The following LTBP2 variants were observed in gnomAD, a reference collection of about 807,000 sequenced individuals.
The protein encoded by LTBP2 is latent-transforming growth factor beta-binding protein 2.
LTBP2 carries 103 observed loss-of-function variants against 210.6 expected under a neutral mutation model. The observed-to-expected ratio is 0.49, with a 90% CI of 0.42 to 0.58. The LOEUF (loss-of-function observed/expected upper bound fraction) is 0.58, where lower values mean the gene tolerates loss of function less well. Ranked by LOEUF, LTBP2 falls within the 20% of genes least tolerant of loss-of-function variation. LTBP2 has a pLI of 0.00. For missense variants in LTBP2, 2,313 were observed against 2,494.5 expected (o/e 0.93, Z 1.55); for synonymous variants, 1,007 against 1,015.0 (o/e 0.99, Z 0.15).
At chr14:74,502,356 G>C (rs1003944184) in intron 34 of LTBP2, among the ~76,000 whole-genome samples, 2 of 152,212 alleles carry the variant, frequency 1.3e-5, no homozygotes, top group Non-Finnish European at 2.9e-5. Flanking sequence ...GGGAGAAAAA[G>C]ACTGCAGTGA....
chr14:74,542,914 G>A (rs985970289), intron 8 of LTBP2, among the ~76,000 whole-genome samples: 2 of 151,854 alleles, frequency 1.3e-5, no homozygotes, highest in Non-Finnish European at 2.9e-5. Flanking sequence ...TTACAGCCAC[G>A]CGCTGCCACA....
intron 4 of LTBP2, among the ~76,000 whole-genome samples, chr14:74,553,322 T>C (rs1358061942): frequency 6.6e-6 from 1 of 152,180 alleles, no homozygotes; most frequent in East Asian, 1.9e-4. Flanking sequence ...TCATTAGAAA[T>C]TGCCATTTTT....
At chr14:74,600,153 C>G (rs2088425231) in intron 2 of LTBP2, among the ~76,000 whole-genome samples, 1 of 152,164 alleles carries the variant, frequency 6.6e-6, no homozygotes, top group African/African-American at 2.4e-5. Flanking sequence ...GTGCCAACAC[C>G]CCACCGCCCG....
At chr14:74,563,905 A>G (rs968381186) in intron 3 of LTBP2, among the ~76,000 whole-genome samples, 1 of 146,638 alleles carries the variant, frequency 6.8e-6, no homozygotes, top group African/African-American at 2.5e-5. Context: ...AGTTATTTGC[A>G]TATTCATAAA....
intron 3 of LTBP2, among the ~76,000 whole-genome samples, chr14:74,561,016 T>TA (rs981775188): frequency 2.0e-5 from 3 of 152,072 alleles, no homozygotes; most frequent in African/African-American, 4.8e-5. Flanking sequence ...CTCTTGCTGC[T>TA]AAAAAAAATT....
chr14:74,502,882 G>A lies in LTBP2; in HGVS notation c.4941C>T (p.Ala1647=), dbSNP rs199805158. The A allele has an allele frequency of 2.2e-4, 357 of 1,613,430 alleles. 8 individuals carry two copies. In the South Asian group the frequency reaches 3.3e-3, roughly 15 times the overall value. ...NVARIEAERE[A]GVHFRPGYEY... ...CATAGCCTGGCCGGAAGTGGACCCCGGCCTCCCGCTCTGCCTCAATGCGAG... is the reference window on the plus strand; with the variant it reads ...CATAGCCTGGCCGGAAGTGGACCCCAGCCTCCCGCTCTGCCTCAATGCGAG... Residue 1647 remains alanine, a synonymous_variant, in exon 34 of 36, where the codon GCC becomes GCT. Transcript: ENST00000261978.
chr14:74,578,895 G>A (rs935850723), intron 3 of LTBP2, among the ~76,000 whole-genome samples: 4 of 152,146 alleles, frequency 2.6e-5, no homozygotes, highest in African/African-American at 9.7e-5. Flanking sequence ...TGCTCTTGTT[G>A]CCCAGGCTGG....
chr14:74,532,328 T>C (rs2087360929), intron 10 of LTBP2, 98 bp downstream of exon 10: 1 of 1,550,868 alleles, frequency 6.4e-7, no homozygotes, highest in Non-Finnish European at 8.8e-7. Flanking sequence ...CGTGATCAGG[T>C]CTGGGGAAAA....
intron 28 of LTBP2, among the ~76,000 whole-genome samples, chr14:74,505,729 A>G (rs927275115): frequency 1.3e-5 from 2 of 152,180 alleles, no homozygotes; most frequent in Admixed American, 6.5e-5. Context: ...TCTCTCATCC[A>G]GAAGGTTCCC....
rs2139752735 is a variant in LTBP2, at chr14:74,555,657, C to A, written c.867G>T (p.Gln289His). The A allele has an allele frequency of 2.5e-6, 4 of 1,573,138 alleles. No homozygotes were observed. The South Asian group carries it at 3.5e-5, about 14-fold the overall frequency. Residue 289 changes from glutamine (Q) to histidine (H), a missense_variant, in exon 4 of 36, where the codon CAG (glutamine) becomes CAT (histidine). Transcript: ENST00000261978. ...LSGLSQTHPS[Q>H]QHVGLSRTVR... ...CAGTGCGGGACAACCCCACGTGCTGCTGGGAAGGGTGGGTCTGGCTGAGGC... is the reference window on the plus strand; with the variant it reads ...CAGTGCGGGACAACCCCACGTGCTGATGGGAAGGGTGGGTCTGGCTGAGGC...
intron 9 of LTBP2, among the ~76,000 whole-genome samples, chr14:74,535,375 C>T (rs570670638): frequency 5.9e-5 from 9 of 152,200 alleles, no homozygotes; most frequent in Non-Finnish European, 1.3e-4. Flanking sequence ...AGGGAAGCCA[C>T]CTTGTTCCCC....
intron 17 of LTBP2, among the ~76,000 whole-genome samples, chr14:74,517,670 G>A (rs1194980155): frequency 1.3e-5 from 2 of 151,354 alleles, no homozygotes; most frequent in African/African-American, 4.9e-5. Context: ...ACTGCACCTG[G>A]CCTCCTGGAG....
At position 74,503,583 on chromosome 14, in the gene LTBP2, C is replaced by T. The variant is rs1487425071; in HGVS notation, c.4606G>A (p.Ala1536Thr). ...CEDHDECQDL[A>T]CENGECVNTE... ...TTGACGCACTCGCCATTCTCACAGG[C>T]CAGGTCCTGGCACTCATCGTGATCT... is the stretch of plus-strand genomic sequence containing the variant. The change falls in exon 32 of 36, where the codon GCC (alanine) becomes ACC (threonine). Residue 1536 changes from alanine (A) to threonine (T), a missense_variant. Around this residue, in one of 3 missense-constraint regions of LTBP2, gnomAD observed 443 missense variants for 501.4 expected, o/e 0.88. Transcript: ENST00000261978. The T allele has an allele frequency of 6.2e-7, 1 of 1,613,818 alleles. No homozygotes were observed. Among genetic ancestry groups the T allele is most frequent in the Non-Finnish European group, 8.5e-7 (1 of 1,180,020 alleles).
intron 8 of LTBP2, among the ~76,000 whole-genome samples, chr14:74,546,622 A>G (rs2087579958): frequency 6.6e-6 from 1 of 152,190 alleles, no homozygotes; most frequent in South Asian, 2.1e-4. Flanking sequence ...GGAGGCCACC[A>G]TCTGGGATGG....
At position 74,551,006 on chromosome 14, in the gene LTBP2, C is replaced by A. The variant is rs1051305462; in HGVS notation, c.1686+58G>T. 44 of 1,596,618 alleles carry A rather than the reference C, an allele frequency of 2.8e-5. No homozygotes were observed. The African/African-American group carries it at 4.6e-4, about 17-fold the overall frequency. On this transcript the variant is annotated intron_variant, in intron 7 of 35. Transcript: ENST00000261978. ...GGACAGAGAGGAGGAGAAGGGCAGA[C>A]TGGGGACAACTGCCATCCTGGAAGC...
At chr14:74,569,321 G>C (rs2087944068) in intron 3 of LTBP2, among the ~76,000 whole-genome samples, 1 of 152,176 alleles carries the variant, frequency 6.6e-6, no homozygotes, top group South Asian at 2.1e-4. Context: ...ATGATTAATA[G>C]GAAGTATGAG....
At chr14:74,519,035 T>C (rs1034472417) in intron 17 of LTBP2, among the ~76,000 whole-genome samples, 1 of 152,156 alleles carries the variant, frequency 6.6e-6, no homozygotes, top group Admixed American at 6.5e-5. Flanking sequence ...AAAGACCAGG[T>C]TCTTAACAGC....
At chr14:74,595,917 A>G (rs150493798) in intron 2 of LTBP2, among the ~76,000 whole-genome samples, 1 of 152,280 alleles carries the variant, frequency 6.6e-6, no homozygotes, top group East Asian at 1.9e-4. Flanking sequence ...GTGGAGCAGG[A>G]TGGGCGTGGT....
At chr14:74,591,012 A>G (rs1267787845) in intron 2 of LTBP2, among the ~76,000 whole-genome samples, 1 of 152,234 alleles carries the variant, frequency 6.6e-6, no homozygotes, top group Non-Finnish European at 1.5e-5. Flanking sequence ...TATATATAAA[A>G]TAAGATCTTT....
Sources: allele counts gnomAD v4.1 joint callset (sites outside exome capture counted in the v4.1 genomes callset), GRCh38; gene constraint gnomAD v4.1.1; regional missense constraint gnomAD v4.1.1; transcripts MANE v1.5; gene names NCBI Gene and HGNC (gene_info 2026-07-23, HGNC 2026-07-21).